Variants in PYROXD1 observed in about 807,000 individuals in gnomAD.
PYROXD1 encodes pyridine nucleotide-disulphide oxidoreductase domain 1.
In PYROXD1, 42 loss-of-function variants were observed where a neutral mutation model predicts 62.0. The ratio of observed to expected loss-of-function variants is 0.68; its 90% CI spans 0.53 to 0.88. The LOEUF (loss-of-function observed/expected upper bound fraction) is 0.88, where lower values mean the gene tolerates loss of function less well. PYROXD1 is among the 40% of genes least tolerant of loss of function. The probability of loss-of-function intolerance (pLI) is 0.00; values close to 1 mark genes in which losing one functional copy is unlikely to be tolerated. For missense variants in PYROXD1, 493 were observed against 604.8 expected, an observed-to-expected ratio of 0.82 and a Z score of 1.94; for synonymous variants, 170 against 206.4, an observed-to-expected ratio of 0.82 and a Z score of 1.51.
rs1942238916 is a variant in PYROXD1, at chr12:21,438,644, T to A, written c.84+830T>A. On this transcript the variant is annotated intron_variant, in intron 1 of 11. Coordinates refer to ENST00000240651, the MANE Select transcript of PYROXD1 (RefSeq NM_024854.5). ...TTAAATGCATGTAGGGCTTGCTTTC[T>A]TGATTATACTGAATAGCCAGACCAT... is the stretch of plus-strand genomic sequence containing the variant. 3 of 152,246 alleles carry A rather than the reference T, an allele frequency of 2.0e-5. No individual in the cohort carries two copies. The South Asian group carries it at 6.2e-4, about 32-fold the overall frequency. 9.4% of individuals were successfully genotyped at this position (152,246 alleles called of 1,614,324 possible).
At chr12:21,446,368 T>G (rs7959893) in intron 3 of PYROXD1, among the ~76,000 whole-genome samples, 57,993 of 151,834 alleles carry the variant, frequency 0.38, 11,325 homozygotes, top group Middle Eastern at 0.48. Flanking sequence ...GAGCTTGCAG[T>G]GAGCCCAGAT....
intron 3 of PYROXD1, chr12:21,447,648 C>T (rs753254223): frequency 3.3e-4 from 58 of 173,572 alleles, no homozygotes; most frequent in Non-Finnish European, 3.8e-4. Context: ...GTTGGGAATT[C>T]GGGAACTCAG....
At chr12:21,450,624 C>T (rs1171262023) in intron 4 of PYROXD1, among the ~76,000 whole-genome samples, 2 of 152,154 alleles carry the variant, frequency 1.3e-5, no homozygotes, top group East Asian at 3.9e-4. Context: ...TGTCTAACCT[C>T]AAGTTCGTTG....
chr12:21,456,214 C>A, intron 7 of PYROXD1, 119 bp downstream of exon 7: 1 of 649,226 alleles, frequency 1.5e-6, no homozygotes, highest in South Asian at 2.1e-5. Context: ...TACTTAAAAT[C>A]CATAGTGTTA....
Position 21,452,068 on chromosome 12 carries a change from C to A in PYROXD1, c.415-13C>A. The A allele has an allele frequency of 2.0e-6, 3 of 1,521,248 alleles. No homozygotes were observed. Among genetic ancestry groups the A allele is most frequent in the Non-Finnish European group, 2.7e-6 (3 of 1,110,386 alleles). The allele number at this position is 1,521,248 out of a possible 1,614,324, so 94.2% of individuals were successfully genotyped here. A position where few individuals can be genotyped will look rare whatever the true frequency, so the allele number is the denominator to read the frequency against. On this transcript the variant is annotated splice_polypyrimidine_tract_variant and intron_variant, in intron 4 of 11. Transcript: ENST00000240651. ...TTACAAAATACTACCTCATTATTTT[C>A]TTTTTAACATAGGAATTTCAGAAAC...
intron 10 of PYROXD1, among the ~76,000 whole-genome samples, chr12:21,463,222 GT>G (rs1244331259): frequency 2.6e-5 from 4 of 152,156 alleles, no homozygotes; most frequent in African/African-American, 9.7e-5. Flanking sequence ...TTGAAATGTG[GT>G]TAATGTGACT....
At chr12:21,454,313 A>G (rs2034570504) in intron 5 of PYROXD1, among the ~76,000 whole-genome samples, 1 of 151,986 alleles carries the variant, frequency 6.6e-6, no homozygotes, top group Admixed American at 6.6e-5. Context: ...ATCCTATTAT[A>G]GTTAGGATGG....
intron 2 of PYROXD1, among the ~76,000 whole-genome samples, chr12:21,444,385 A>C (rs1942348825): frequency 6.6e-6 from 1 of 152,230 alleles, no homozygotes; most frequent in East Asian, 1.9e-4. Flanking sequence ...ATAACACCAA[A>C]AAGTCACTAG....
At chr12:21,465,182 C>T (rs1394897904) in intron 10 of PYROXD1, among the ~76,000 whole-genome samples, 1 of 152,152 alleles carries the variant, frequency 6.6e-6, no homozygotes, top group Non-Finnish European at 1.5e-5. Context: ...TGGGTATATA[C>T]GCAGTACTGG....
rs568017609 is a variant in PYROXD1 at position 21,462,685 on chromosome 12, G to A, written c.994-55G>A. 67 of 1,587,788 alleles carry A rather than the reference G, an allele frequency of 4.2e-5. No homozygotes were observed. The African/African-American group carries it at 6.2e-4, about 15-fold the overall frequency. ...TAATTTGTTCTTTTACTTTAAAATG[G>A]AAAAAGTCGTTTCATTTTTCTTAAC... On this transcript the variant is annotated intron_variant, in intron 9 of 11. Coordinates refer to ENST00000240651, the MANE Select transcript of PYROXD1 (RefSeq NM_024854.5).
At chr12:21,457,912 C>T (rs768469219) in intron 7 of PYROXD1, among the ~76,000 whole-genome samples, 2 of 152,112 alleles carry the variant, frequency 1.3e-5, no homozygotes, top group Admixed American at 6.5e-5. Flanking sequence ...ATGCTGTCAT[C>T]CAGGCTTTGT....
intron 7 of PYROXD1, among the ~76,000 whole-genome samples, chr12:21,456,480 A>G (rs1458218626): frequency 6.6e-6 from 1 of 152,234 alleles, no homozygotes; most frequent in Admixed American, 6.5e-5. Flanking sequence ...ACTGCAGTCT[A>G]TTAAATGTGC....
Position 21,449,705 on chromosome 12 carries a change from G to A in PYROXD1, c.414+14G>A, listed in dbSNP as rs778904159. On this transcript the variant is annotated intron_variant, in intron 4 of 11. Transcript: ENST00000240651. ...GACAGTGCTCAGGTAACATTTTAAGGTTGGATCGTGAGAAGGAAAATAAAA... is the reference window on the plus strand; with the variant it reads ...GACAGTGCTCAGGTAACATTTTAAGATTGGATCGTGAGAAGGAAAATAAAA... The A allele has an allele frequency of 6.3e-6, 10 of 1,588,750 alleles. No homozygotes were observed. Among genetic ancestry groups the A allele is most frequent in the African/African-American group, 2.7e-5 (2 of 73,216 alleles).
intron 4 of PYROXD1, among the ~76,000 whole-genome samples, chr12:21,450,623 T>C (rs545446235): frequency 6.8e-4 from 104 of 152,344 alleles, no homozygotes; most frequent in African/African-American, 2.4e-3. Flanking sequence ...ATGTCTAACC[T>C]CAAGTTCGTT....
chr12:21,452,060 A>G (rs937509748), intron 4 of PYROXD1, 21 bp from the exon 5 acceptor site: 2 of 1,442,642 alleles, frequency 1.4e-6, no homozygotes, highest in Non-Finnish European at 1.9e-6. Context: ...ATACTACCTC[A>G]TTATTTTCTT....
chr12:21,450,171 T>A (rs910255568), intron 4 of PYROXD1, among the ~76,000 whole-genome samples: 1 of 152,064 alleles, frequency 6.6e-6, no homozygotes, highest in Non-Finnish European at 1.5e-5. Context: ...CCCAGCCTAT[T>A]CCTGCCAATT....
At chr12:21,456,125 C>G (rs762595567) in intron 7 of PYROXD1, 30 bp downstream of exon 7, 4 of 1,305,430 alleles carry the variant, frequency 3.1e-6, no homozygotes, top group South Asian at 1.3e-5. Context: ...TTGGTCATGT[C>G]TAAATGTAAT....
intron 10 of PYROXD1, among the ~76,000 whole-genome samples, chr12:21,465,747 T>A (rs985211896): frequency 2.0e-5 from 3 of 152,140 alleles, no homozygotes; most frequent in African/African-American, 4.8e-5. Flanking sequence ...TGCCCATGCC[T>A]ATGTCCTGAA....
In PYROXD1 at chr12:21,467,633, C is replaced by T. The variant is rs1318065552; in HGVS notation, c.1254+15C>T. 3 of 1,584,964 alleles carry T rather than the reference C, an allele frequency of 1.9e-6. No individual in the cohort carries two copies. Among genetic ancestry groups the T allele is most frequent in the Non-Finnish European group, 1.7e-6 (2 of 1,158,546 alleles). On this transcript the variant is annotated intron_variant, in intron 11 of 11. Transcript: ENST00000240651. ...TTAACTATAAGGTAAGATAGTTAAG[C>T]ATATTAATGCCTTCTCTGCTTGTTA...
Sources: allele counts gnomAD v4.1 joint callset (sites outside exome capture counted in the v4.1 genomes callset), GRCh38; gene constraint gnomAD v4.1.1; transcripts MANE v1.5; gene names NCBI Gene and HGNC (gene_info 2026-07-23, HGNC 2026-07-21).